The following STAT5B variants were observed in gnomAD, a reference collection of about 807,000 sequenced individuals.
STAT5B encodes the protein signal transducer and activator of transcription 5B.
In STAT5B, 21 loss-of-function variants were observed where a neutral mutation model predicts 107.8. That is an observed-to-expected ratio of 0.19 (90% CI 0.14 to 0.28). The LOEUF (loss-of-function observed/expected upper bound fraction) is 0.28. Ranked by LOEUF, STAT5B falls within the 10% of genes least tolerant of loss-of-function variation. STAT5B has a pLI of 1.00. For missense variants in STAT5B, 565 were observed against 1,008.2 expected (o/e 0.56, Z 5.95); for synonymous variants, 325 against 401.7 (o/e 0.81, Z 2.28).
intron 1 of STAT5B, among the ~76,000 whole-genome samples, chr17:42,238,451 CTTTTT>C (rs75642417): frequency 8.0e-6 from 1 of 124,838 alleles, no homozygotes; most frequent in East Asian, 2.2e-4. Flanking sequence ...TGTGCCTGGC[CTTTTT>C]TTTTTTTTTT....
chr17:42,263,015 TAA>T (rs753051715), intron 1 of STAT5B, among the ~76,000 whole-genome samples: 71 of 35,154 alleles, frequency 2.0e-3, no homozygotes, highest in East Asian at 7.8e-3. Flanking sequence ...TATATATATA[TAA>T]AAAAACAAAA....
At chr17:42,223,279 G>A (rs1217894834) in intron 5 of STAT5B, 103 bp downstream of exon 5, 1 of 1,551,472 alleles carries the variant, frequency 6.4e-7, no homozygotes, top group African/African-American at 1.4e-5. Flanking sequence ...AAAGGTCGCT[G>A]CCTCCGAATG....
chr17:42,250,308 G>C (rs1376968036), intron 1 of STAT5B, among the ~76,000 whole-genome samples: 1 of 152,118 alleles, frequency 6.6e-6, no homozygotes, highest in African/African-American at 2.4e-5. Context: ...ACCCCACTCT[G>C]AGAATACCTA....
At chr17:42,276,565 A>AC (rs1010055747), upstream of STAT5B, 3 of 148,754 alleles carry the variant, frequency 2.0e-5, no homozygotes, top group African/African-American at 5.0e-5. This position sits in a 1 kb window ranked among gnomAD's most constrained non-coding sequence, Gnocchi z 4.8. Flanking sequence ...AAGGACCCGG[A>AC]CCCCCTCGGC....
At chr17:42,239,024 T>C (rs1598319866) in intron 1 of STAT5B, among the ~76,000 whole-genome samples, 1 of 150,206 alleles carries the variant, frequency 6.7e-6, no homozygotes, top group Non-Finnish European at 1.5e-5. Flanking sequence ...CCGAGGTGGG[T>C]GGATCATGAG....
At chr17:42,262,976 A>ATATATG (rs2080627677) in intron 1 of STAT5B, among the ~76,000 whole-genome samples, 1 of 29,384 alleles carries the variant, frequency 3.4e-5, no homozygotes, top group South Asian at 1.6e-3. Context: ...GTGTGTATAT[A>ATATATG]TATATATATA....
At chr17:42,250,424 A>G (rs1396370898) in intron 1 of STAT5B, among the ~76,000 whole-genome samples, 1 of 152,238 alleles carries the variant, frequency 6.6e-6, no homozygotes, top group Non-Finnish European at 1.5e-5. Context: ...TGTTGGAAAC[A>G]AAATAAATGA....
At position 42,210,163 on chromosome 17, in the gene STAT5B, G is replaced by T. The variant is rs748874871; in HGVS notation, c.1906+8C>A. On this transcript the variant is annotated splice_region_variant and intron_variant, in intron 15 of 18. Coordinates refer to ENST00000293328, the MANE Select transcript of STAT5B (RefSeq NM_012448.4). ...TAACTTTGGACATAAGAAGGGAGGG[G>T]CACTCACGAGAATCAAACTTCCAAG... is the stretch of plus-strand genomic sequence containing the variant. 2.5e-6 allele frequency: 4 copies of T among 1,614,120 alleles called. No individual in the cohort carries two copies. In the South Asian group the frequency reaches 4.4e-5, roughly 18 times the overall value.
upstream of STAT5B, among the ~76,000 whole-genome samples, chr17:42,278,419 G>A (rs1408867974): frequency 6.6e-6 from 1 of 152,212 alleles, no homozygotes; most frequent in Non-Finnish European, 1.5e-5. Flanking sequence ...AAGAGGACAG[G>A]GTCTAGCCCG....
rs145734297 is a variant in STAT5B, at chr17:42,224,746, C to T, written c.375+33G>A. 1.9e-5 allele frequency: 31 copies of T among 1,609,720 alleles called. No individual in the cohort carries two copies. In the East Asian group the frequency reaches 4.5e-4, roughly 23 times the overall value. Reference sequence around the variant, plus strand: ...GGGAGGTGGGTAAGAAAAGACTTCCCGACTGCCCTCCCCATCCCTATGGGA... The same window carrying T: ...GGGAGGTGGGTAAGAAAAGACTTCCTGACTGCCCTCCCCATCCCTATGGGA... On this transcript the variant is annotated intron_variant, in intron 4 of 18. Transcript: ENST00000293328.
chr17:42,225,912 TA>T (rs1437800090), intron 3 of STAT5B, among the ~76,000 whole-genome samples: 1 of 152,138 alleles, frequency 6.6e-6, no homozygotes, highest in Non-Finnish European at 1.5e-5. Context: ...ATTTTATCTT[TA>T]AAAAGCAGGG....
intron 1 of STAT5B, among the ~76,000 whole-genome samples, chr17:42,243,109 C>T (rs1412574911): frequency 1.3e-5 from 2 of 148,522 alleles, no homozygotes; most frequent in Non-Finnish European, 3.0e-5. Context: ...GAGAAACACC[C>T]AAGAATGATC....
At chr17:42,270,096 G>A (rs7215689) in intron 1 of STAT5B, among the ~76,000 whole-genome samples, 7,108 of 152,192 alleles carry the variant, frequency 0.047, 513 homozygotes, top group African/African-American at 0.16. Flanking sequence ...TGTAGTCCTA[G>A]CTACTCCGGA....
chr17:42,246,397 T>TA (rs1014000187), intron 1 of STAT5B, among the ~76,000 whole-genome samples: 8 of 152,150 alleles, frequency 5.3e-5, no homozygotes, highest in Non-Finnish European at 7.4e-5. Flanking sequence ...TTCAGAATTA[T>TA]AAAAAAATTT....
chr17:42,213,089 C>T (rs2080142695), intron 12 of STAT5B, among the ~76,000 whole-genome samples: 1 of 152,210 alleles, frequency 6.6e-6, no homozygotes. Context: ...CACCAGACCC[C>T]CATAGATGGG....
chr17:42,207,533 C>G (rs763017806), intron 16 of STAT5B, 25 bp downstream of exon 16: 1 of 1,601,644 alleles, frequency 6.2e-7, no homozygotes, highest in South Asian at 1.1e-5. Context: ...ACAACAAAAT[C>G]AAATCAGAAT....
intron 1 of STAT5B, among the ~76,000 whole-genome samples, chr17:42,243,005 C>T (rs1251882129): frequency 6.8e-6 from 1 of 148,044 alleles, no homozygotes; most frequent in African/African-American, 2.5e-5. Context: ...CACAGGGTCC[C>T]TCTGCCTAGG....
chr17:42,238,465 T>G (rs1376211528), intron 1 of STAT5B, among the ~76,000 whole-genome samples: 1 of 147,932 alleles, frequency 6.8e-6, no homozygotes, highest in African/African-American at 2.5e-5. Context: ...TTTTTTTTTT[T>G]TTTTTTTAAG....
intron 12 of STAT5B, among the ~76,000 whole-genome samples, chr17:42,212,905 C>T (rs1337424404): frequency 6.6e-6 from 1 of 152,220 alleles, no homozygotes; most frequent in Non-Finnish European, 1.5e-5. Context: ...TCTTTAAAGG[C>T]ACCTAACACA....
Sources: allele counts gnomAD v4.1 joint callset (sites outside exome capture counted in the v4.1 genomes callset), GRCh38; gene constraint gnomAD v4.1.1; non-coding constraint Gnocchi (gnomAD v3.1); transcripts MANE v1.5; gene names NCBI Gene and HGNC (gene_info 2026-07-23, HGNC 2026-07-21).